The following C5 variants were observed in gnomAD, a reference collection of about 807,000 sequenced individuals.
C5 encodes C3 and PZP-like alpha-2-macroglobulin domain-containing protein 4.
Under a neutral mutation model 218.8 loss-of-function variants are expected in C5, and 140 were observed. The observed-to-expected ratio is 0.64, with a 90% confidence interval of 0.56 to 0.74. The LOEUF is 0.74. Ranked by LOEUF, C5 falls within the 30% of genes least tolerant of loss-of-function variation. The probability of loss-of-function intolerance (pLI) is 0.00; values close to 1 mark genes in which losing one functional copy is unlikely to be tolerated. For missense variants in C5, 1,700 were observed against 1,969.6 expected (o/e 0.86, Z 2.59); for synonymous variants, 614 against 682.3 (o/e 0.90, Z 1.56).
Position 120,974,904 on chromosome 9 carries a change from T to C in C5, c.3892A>G (p.Thr1298Ala). The change falls in exon 30 of 41, where the codon ACG (threonine) becomes GCG (alanine). Residue 1298 changes from threonine to alanine, a missense_variant. Physicochemically the swap from Thr to Ala is moderately conservative, Grantham distance 58. Transcript: ENST00000223642. ...QDTINAIEGL[T>A]EYSLLVKQLR... ...TGTTTAACCAGGAGTGAATATTCCGTCAGGCCCTCAATGGCATTGATTGTG... is the reference window on the plus strand; with the variant it reads ...TGTTTAACCAGGAGTGAATATTCCGCCAGGCCCTCAATGGCATTGATTGTG... 6 of 1,614,226 alleles carry C rather than the reference T, an allele frequency of 3.7e-6. No individual in the cohort carries two copies. Among genetic ancestry groups the C allele is most frequent in the Non-Finnish European group, 3.4e-6 (4 of 1,180,024 alleles).
rs2047365973 is a variant in C5, at chr9:121,021,606, G to T, written c.1205C>A (p.Ser402Tyr). The T allele has an allele frequency of 1.2e-6, 2 of 1,613,436 alleles. No homozygotes were observed. Among genetic ancestry groups the T allele is most frequent in the African/African-American group, 2.7e-5 (2 of 74,898 alleles). The change falls in exon 11 of 41, where the codon TCT becomes TAT. Residue 402 changes from serine (S) to tyrosine (Y), a missense_variant. Physicochemically the swap from Ser to Tyr is moderately radical, Grantham distance 144. Coordinates refer to ENST00000223642, the MANE Select transcript of C5 (RefSeq NM_001735.3). ...AQTIDVNQET[S>Y]DLDPSKSVTR... ...TACACTTTTGCTTGGATCCAAGTCA[G>T]ATGTCTCTTGGTTTACATCAATTGT... is the stretch of plus-strand genomic sequence containing the variant.
the C5 span, among the ~76,000 whole-genome samples, chr9:121,056,882 A>C: frequency 5.4e-4 from 82 of 152,304 alleles, no homozygotes; most frequent in African/African-American, 1.9e-3. Context: ...GGTACAAAAA[A>C]ATCAAAGAAT....
chr9:121,027,584 G>T (rs1277635530), intron 7 of C5, among the ~76,000 whole-genome samples: 3 of 152,170 alleles, frequency 2.0e-5, no homozygotes, highest in East Asian at 3.8e-4. Context: ...ACAAAAACAA[G>T]AAATGGGGAA....
chr9:120,961,574 A>G lies in C5; in HGVS notation c.4505-9T>C. 1 of 1,578,710 alleles carries G rather than the reference A, an allele frequency of 6.3e-7. No homozygotes were observed. The highest frequency in any genetic ancestry group is 8.7e-7 in the Non-Finnish European group (1 of 1,147,836). ...CATGGTACACTGTTTATCTGTGGCA[A>G]CAAAAGTGTGGTTAAGAGAAGTGGT... On this transcript the variant is annotated splice_polypyrimidine_tract_variant and intron_variant, in intron 36 of 40. Transcript: ENST00000223642.
intron 2 of C5, 45 bp from the exon 3 acceptor site, chr9:121,043,211 T>G: frequency 6.9e-7 from 1 of 1,447,604 alleles, no homozygotes; most frequent in Non-Finnish European, 9.6e-7. Context: ...AATTCTAAAG[T>G]TATTAAACCA....
At position 120,963,669 on chromosome 9, in the gene C5, A is replaced by G; in HGVS notation, c.4290T>C (p.Thr1430=). 6.2e-7 allele frequency: 1 copy of G among 1,613,880 alleles called. No individual in the cohort carries two copies. The highest frequency in any genetic ancestry group is 2.2e-5 in the East Asian group (1 of 44,874). Residue 1430 remains threonine, a synonymous_variant, in exon 34 of 41, where the codon ACT becomes ACC. Coordinates refer to ENST00000223642, the MANE Select transcript of C5 (RefSeq NM_001735.3). ...AGTCTTCTTCATTTGCACTGATTCC[A>G]GTAGGCAAGGAGATGTCCATCACCG... is the stretch of plus-strand genomic sequence containing the variant. ...SHAVMDISLP[T]GISANEEDLK...
At chr9:121,007,933 C>T (rs1283558935) in intron 18 of C5, among the ~76,000 whole-genome samples, 5 of 152,156 alleles carry the variant, frequency 3.3e-5, no homozygotes, top group African/African-American at 9.7e-5. Flanking sequence ...ATTGGAAAAC[C>T]AGTGCTTTAA....
chr9:120,986,947 C>T (rs1377548169), intron 25 of C5, among the ~76,000 whole-genome samples: 1 of 151,948 alleles, frequency 6.6e-6, no homozygotes, highest in Non-Finnish European at 1.5e-5. Context: ...CATGGTCAGA[C>T]CTAATCCTAA....
chr9:121,051,926 A>G (rs2131832572), upstream of C5, among the ~76,000 whole-genome samples: 1 of 152,270 alleles, frequency 6.6e-6, no homozygotes, highest in East Asian at 1.9e-4. Flanking sequence ...GAACAACAAC[A>G]CTCAAATCAA....
rs375160697 is a variant in C5 at position 120,987,371 on chromosome 9, G to A, written c.3230+1675C>T. On this transcript the variant is annotated intron_variant, in intron 25 of 40. Coordinates refer to ENST00000223642, the MANE Select transcript of C5 (RefSeq NM_001735.3). ...GCTAAAGAAAAAAAACTGGCCAGGC[G>A]CAGTGGCTCATGCCTGTAATCCCAG... Among the ~76,000 whole-genome samples, 94 of 152,180 alleles carry A rather than the reference G, an allele frequency of 6.2e-4. 1 individual carries two copies. The highest frequency in any genetic ancestry group is 2.0e-3 in the African/African-American group (84 of 41,542).
At position 120,970,166 on chromosome 9, in the gene C5, T is replaced by A; in HGVS notation, c.4162+4A>T. On this transcript the variant is annotated splice_donor_region_variant and intron_variant, in intron 32 of 40. Coordinates refer to ENST00000223642, the MANE Select transcript of C5 (RefSeq NM_001735.3). ...AATTACAGCGTAAATCCTGCTGTTT[T>A]TACCTTCAATATCCTGAGTATCGAT... 6.2e-7 allele frequency: 1 copy of A among 1,604,620 alleles called. No homozygotes were observed. Among genetic ancestry groups the A allele is most frequent in the Non-Finnish European group, 8.5e-7 (1 of 1,171,498 alleles).
intron 25 of C5, among the ~76,000 whole-genome samples, chr9:120,987,510 G>A (rs760802274): frequency 6.6e-6 from 1 of 151,346 alleles, no homozygotes; most frequent in Non-Finnish European, 1.5e-5. Flanking sequence ...ATGGTGGTGC[G>A]CGCCTGTAAT....
chr9:120,988,997 T>C (rs762348696), intron 25 of C5, 49 bp downstream of exon 25: 1 of 1,289,230 alleles, frequency 7.8e-7, no homozygotes, highest in African/African-American at 1.5e-5. Flanking sequence ...TATTATTCTT[T>C]AGTTAATTAA....
chr9:121,000,954 A>T (rs891036905), intron 20 of C5, among the ~76,000 whole-genome samples: 7 of 152,236 alleles, frequency 4.6e-5, no homozygotes, highest in African/African-American at 1.7e-4. Context: ...ACGTTTTTAA[A>T]ACTTGCAGTG....
chr9:121,047,919 C>G (rs2047641585), intron 1 of C5, among the ~76,000 whole-genome samples: 1 of 152,068 alleles, frequency 6.6e-6, no homozygotes. Flanking sequence ...ATTCTGAATA[C>G]TTTATTTGTA....
chr9:120,986,515 G>A (rs184569411), intron 25 of C5, among the ~76,000 whole-genome samples: 21 of 152,108 alleles, frequency 1.4e-4, no homozygotes, highest in Admixed American at 1.3e-3. Context: ...TTTCTTCTAT[G>A]TCTATTATTT....
intron 9 of C5, among the ~76,000 whole-genome samples, chr9:121,025,234 G>A (rs976034329): frequency 6.6e-6 from 1 of 151,934 alleles, no homozygotes; most frequent in Admixed American, 6.6e-5. Flanking sequence ...GAGGTAATAG[G>A]GACCCAATGG....
chr9:120,961,380 G>A (rs1043379801), intron 37 of C5, 102 bp downstream of exon 37: 1 of 765,936 alleles, frequency 1.3e-6, no homozygotes, highest in African/African-American at 1.7e-5. Flanking sequence ...TTCTACTTCT[G>A]AGAAAGAACA....
intron 6 of C5, among the ~76,000 whole-genome samples, chr9:121,031,575 A>T (rs1196343578): frequency 6.6e-6 from 1 of 152,154 alleles, no homozygotes; most frequent in Non-Finnish European, 1.5e-5. Context: ...ACACAAGTAC[A>T]CAGAGGTTGT....
Sources: gnomAD v4.1 joint callset for allele counts (sites outside exome capture counted in the v4.1 genomes callset) on GRCh38, gnomAD v4.1.1 for gene constraint, MANE v1.5 for transcripts, NCBI Gene and HGNC (gene_info 2026-07-23, HGNC 2026-07-21) for gene names.